TOX3: variants seen among roughly 807,000 people sequenced by gnomAD.
TOX3 encodes CAG trinucleotide repeat-containing gene F9 protein.
TOX3 carries 22 observed loss-of-function variants against 64.3 expected under a neutral mutation model. The ratio of observed to expected loss-of-function variants is 0.34; its 90% CI spans 0.24 to 0.49. The LOEUF (loss-of-function observed/expected upper bound fraction) is 0.49, where lower values mean the gene tolerates loss of function less well. Among genes scored for constraint, TOX3 ranks in the 20% least tolerant of loss-of-function variants. The probability of loss-of-function intolerance (pLI) is 0.99; values close to 1 mark genes in which losing one functional copy is unlikely to be tolerated. For missense variants in TOX3, 661 were observed against 714.4 expected (o/e 0.93, Z 0.85); for synonymous variants, 291 against 273.6 (o/e 1.06, Z -0.63).
chr16:52,437,789 T>TAAAAAAATAAAAAA lies in TOX3; in HGVS notation c.*1435_*1436insTTTTTTATTTTTTT, dbSNP rs1959792261. Among the ~76,000 whole-genome samples the TAAAAAAATAAAAAA allele has an allele frequency of 9.0e-6, 1 of 111,368 alleles. No individual in the cohort carries two copies. The allele number at this position is 111,368 out of a possible 152,430, so 73.1% of individuals were successfully genotyped here. On this transcript the variant is annotated 3_prime_UTR_variant, in exon 7 of 7. Transcript: ENST00000219746. ...CTATACTTACCTTGTACTTGCATCT[T>TAAAAAAATAAAAAA]AAAAAAAAAAAAAAAAAAAAAAAAG...
intron 1 of TOX3, among the ~76,000 whole-genome samples, chr16:52,472,002 T>A (rs1961060810): frequency 6.6e-6 from 1 of 152,206 alleles, no homozygotes; most frequent in Non-Finnish European, 1.5e-5. Flanking sequence ...TCAATTCAGT[T>A]TTACTTTTTT....
intron 3 of TOX3, among the ~76,000 whole-genome samples, chr16:52,460,834 G>C (rs988204186): frequency 1.3e-5 from 2 of 152,150 alleles, no homozygotes; most frequent in Admixed American, 1.3e-4. Context: ...CTGGTGCACT[G>C]TGGGTATTCA....
At chr16:52,444,391 G>A (rs374460224) in intron 5 of TOX3, 35 bp from the exon 6 acceptor site, 764 of 1,485,462 alleles carry the variant, frequency 5.1e-4, no homozygotes, top group Non-Finnish European at 6.6e-4. Context: ...CACCTTTAGC[G>A]TATAAATTCT....
intron 1 of TOX3, chr16:52,519,541 C>CCTG: frequency 6.5e-7 from 1 of 1,535,936 alleles, no homozygotes. Flanking sequence ...CTCTTCTGTC[C>CCTG]TCTGCTGGAT....
chr16:52,516,825 G>T (rs1312189555), intron 1 of TOX3, among the ~76,000 whole-genome samples: 1 of 152,092 alleles, frequency 6.6e-6, no homozygotes, highest in East Asian at 1.9e-4. Context: ...TTATTATGTG[G>T]TGGTTGTTCA....
intron 1 of TOX3, among the ~76,000 whole-genome samples, chr16:52,491,840 A>G: frequency 6.6e-6 from 1 of 152,174 alleles, no homozygotes; most frequent in East Asian, 1.9e-4. Flanking sequence ...GTTTCACATC[A>G]AAGATGAGAA....
At chr16:52,514,950 G>T (rs967217799) in intron 1 of TOX3, among the ~76,000 whole-genome samples, 1 of 135,854 alleles carries the variant, frequency 7.4e-6, no homozygotes, top group African/African-American at 2.9e-5. Context: ...GGTGGAGGTT[G>T]CAGTGAGCCA....
intron 1 of TOX3, 88 bp from the exon 2 acceptor site, chr16:52,468,662 TAA>T: frequency 9.7e-7 from 1 of 1,029,042 alleles, no homozygotes. Flanking sequence ...TGTTGCTAAA[TAA>T]AAGAGAGTTT....
chr16:52,542,339 A>T (rs990745729), intron 1 of TOX3, among the ~76,000 whole-genome samples: 3 of 152,252 alleles, frequency 2.0e-5, no homozygotes, highest in Admixed American at 2.0e-4. Context: ...TTATGTTTGG[A>T]TCCTCATCTA....
intron 1 of TOX3, among the ~76,000 whole-genome samples, chr16:52,480,071 T>C (rs192943846): frequency 4.6e-5 from 7 of 152,204 alleles, no homozygotes; most frequent in Non-Finnish European, 5.9e-5. Context: ...GCTACAGTCC[T>C]TGGGGGCAGA....
chr16:52,465,125 C>T (rs1439550584), intron 2 of TOX3, among the ~76,000 whole-genome samples: 1 of 147,582 alleles, frequency 6.8e-6, no homozygotes. Context: ...CGCCATTCTC[C>T]TGCCTCAGCC....
chr16:52,545,902 C>A (rs541987727), intron 1 of TOX3, among the ~76,000 whole-genome samples: 2 of 152,228 alleles, frequency 1.3e-5, no homozygotes, highest in Admixed American at 6.5e-5. Context: ...TCGAAGTTGG[C>A]GCAGGGGGAG....
chr16:52,492,786 C>T (rs1239096122), intron 1 of TOX3, among the ~76,000 whole-genome samples: 2 of 151,106 alleles, frequency 1.3e-5, no homozygotes, highest in Non-Finnish European at 2.9e-5. Context: ...ATCTTTGCTT[C>T]TAATTTGCAG....
chr16:52,499,335 G>A (rs1961942030), intron 1 of TOX3, among the ~76,000 whole-genome samples: 1 of 152,154 alleles, frequency 6.6e-6, no homozygotes, highest in African/African-American at 2.4e-5. Context: ...TTATTCAAGA[G>A]GTTTTCTTTT....
At position 52,470,127 on chromosome 16, in the gene TOX3, A is replaced by T. The variant is rs114826532; in HGVS notation, c.88-1553T>A. Among the ~76,000 whole-genome samples the T allele has an allele frequency of 4.9e-3, 751 of 152,330 alleles. 7 individuals carry two copies. Among genetic ancestry groups the T allele is most frequent in the African/African-American group, 0.017 (725 of 41,572 alleles). Reference sequence around the variant, plus strand: ...CATGGCTGCACATGGGCACACACACACTCACACACATATTTTCCCTTGTTT... The same window carrying T: ...CATGGCTGCACATGGGCACACACACTCTCACACACATATTTTCCCTTGTTT... On this transcript the variant is annotated intron_variant, in intron 1 of 6. Coordinates refer to ENST00000219746, the MANE Select transcript of TOX3 (RefSeq NM_001080430.4).
intron 1 of TOX3, among the ~76,000 whole-genome samples, chr16:52,483,457 T>C (rs1647984164): frequency 6.6e-6 from 1 of 152,138 alleles, no homozygotes; most frequent in Non-Finnish European, 1.5e-5. Flanking sequence ...ATAATCTCCC[T>C]TCGTGTGCCT....
At chr16:52,519,833 G>C (rs1031000468) in intron 1 of TOX3, among the ~76,000 whole-genome samples, 1 of 151,896 alleles carries the variant, frequency 6.6e-6, no homozygotes, top group African/African-American at 2.4e-5. Context: ...AGGGTGGCAC[G>C]CATCCACAGT....
intron 1 of TOX3, among the ~76,000 whole-genome samples, chr16:52,487,499 A>G (rs1176022189): frequency 6.6e-6 from 1 of 152,178 alleles, no homozygotes; most frequent in African/African-American, 2.4e-5. Flanking sequence ...ACACACATGT[A>G]TTGCTCGAGA....
intron 6 of TOX3, among the ~76,000 whole-genome samples, chr16:52,440,758 T>C (rs1332158371): frequency 5.0e-5 from 6 of 118,886 alleles, no homozygotes; most frequent in Admixed American, 3.2e-4. Flanking sequence ...CTTTCTTTTT[T>C]TTTTTTTTTT....
Sources: allele counts gnomAD v4.1 joint callset (sites outside exome capture counted in the v4.1 genomes callset), GRCh38; gene constraint gnomAD v4.1.1; transcripts MANE v1.5; gene names NCBI Gene and HGNC (gene_info 2026-07-23, HGNC 2026-07-21).